Variants in TMEM132D observed in about 807,000 individuals in gnomAD.
TMEM132D encodes the protein mature OL transmembrane protein.
Under a neutral mutation model 62.3 loss-of-function variants are expected in TMEM132D, and 21 were observed. The ratio of observed to expected loss-of-function variants is 0.34; its 90% CI spans 0.24 to 0.49. TMEM132D has a LOEUF of 0.49. Ranked by LOEUF, TMEM132D falls within the 20% of genes least tolerant of loss-of-function variation. TMEM132D has a pLI of 0.99. For missense variants in TMEM132D, 1,346 were observed against 1,402.8 expected, an observed-to-expected ratio of 0.96 and a Z score of 0.65; for synonymous variants, 621 against 575.6, an observed-to-expected ratio of 1.08 and a Z score of -1.13.
chr12:129,216,152 A>G (rs10773613), intron 4 of TMEM132D, among the ~76,000 whole-genome samples: 87,513 of 152,056 alleles, frequency 0.58, 25,413 homozygotes, highest in East Asian at 0.71. Context: ...AATTCTCTTC[A>G]GCTATAACAT....
rs78602505 is a variant in TMEM132D at position 129,571,153 on chromosome 12, G to A, written c.969-39948C>T. Among the ~76,000 whole-genome samples, 190 of 152,272 alleles carry A rather than the reference G, an allele frequency of 1.2e-3. 1 individual carries two copies. The highest frequency in any genetic ancestry group is 4.2e-3 in the African/African-American group (174 of 41,558). On this transcript the variant is annotated intron_variant, in intron 2 of 8. Transcript: ENST00000422113. ...CCAAAGGGAAGTTGTCCTCTTTCCC[G>A]TCCCTGGATGGACACTGTTGAACAG...
intron 4 of TMEM132D, among the ~76,000 whole-genome samples, chr12:129,316,870 G>C (rs1868504918): frequency 6.6e-6 from 1 of 152,160 alleles, no homozygotes; most frequent in African/African-American, 2.4e-5. Flanking sequence ...ATGATTTCCT[G>C]TTGGACAAGG....
At chr12:129,238,776 C>G (rs1231948216) in intron 4 of TMEM132D, among the ~76,000 whole-genome samples, 1 of 152,196 alleles carries the variant, frequency 6.6e-6, no homozygotes, top group Non-Finnish European at 1.5e-5. Context: ...GTGAATAAAG[C>G]TGCTATGAAC....
chr12:129,246,518 G>T (rs1468039851), intron 4 of TMEM132D, among the ~76,000 whole-genome samples: 1 of 152,200 alleles, frequency 6.6e-6, no homozygotes, highest in Non-Finnish European at 1.5e-5. Flanking sequence ...CACTTTGGGA[G>T]GCCGAGGCAG....
chr12:129,448,686 C>T (rs887789564), intron 3 of TMEM132D, among the ~76,000 whole-genome samples: 38 of 152,166 alleles, frequency 2.5e-4, no homozygotes, highest in African/African-American at 8.2e-4. Flanking sequence ...TAGTGAAGTA[C>T]ATTTTAAAAA....
chr12:129,615,638 G>T (rs1453304934), intron 2 of TMEM132D, among the ~76,000 whole-genome samples: 1 of 150,766 alleles, frequency 6.6e-6, no homozygotes, highest in African/African-American at 2.4e-5. Context: ...TGGGTGTGGT[G>T]GTGTATGCCT....
At chr12:129,800,178 G>T (rs1163777982) in intron 1 of TMEM132D, among the ~76,000 whole-genome samples, 1 of 152,090 alleles carries the variant, frequency 6.6e-6, no homozygotes, top group Non-Finnish European at 1.5e-5. Flanking sequence ...TATTGGAATT[G>T]CCCCAGAAAG....
intron 2 of TMEM132D, among the ~76,000 whole-genome samples, chr12:129,593,357 A>G (rs551276908): frequency 6.6e-6 from 1 of 152,354 alleles, no homozygotes; most frequent in Admixed American, 6.5e-5. Flanking sequence ...ATGTGATTCC[A>G]GATATTTTAT....
intron 1 of TMEM132D, among the ~76,000 whole-genome samples, chr12:129,835,530 A>G (rs1432614914): frequency 2.6e-5 from 4 of 152,232 alleles, no homozygotes; most frequent in Admixed American, 6.5e-5. Context: ...ACCTCAAATG[A>G]TCCACCTGCC....
intron 3 of TMEM132D, among the ~76,000 whole-genome samples, chr12:129,422,938 C>A (rs1872373825): frequency 1.5e-5 from 2 of 130,402 alleles, no homozygotes; most frequent in Non-Finnish European, 1.6e-5. Context: ...CAGAATAAAA[C>A]CAAGGAAAAC....
chr12:129,254,653 ATC>A (rs1194424133), intron 4 of TMEM132D, among the ~76,000 whole-genome samples: 1 of 152,176 alleles, frequency 6.6e-6, no homozygotes, highest in African/African-American at 2.4e-5. Context: ...GGATTTGCTT[ATC>A]CTTAGAGGGG....
chr12:129,531,608 T>G (rs1385484317), intron 2 of TMEM132D, among the ~76,000 whole-genome samples: 1 of 152,158 alleles, frequency 6.6e-6, no homozygotes, highest in African/African-American at 2.4e-5. Flanking sequence ...GCACATTCAT[T>G]GAATGTCTCC....
intron 1 of TMEM132D, among the ~76,000 whole-genome samples, chr12:129,860,552 T>C (rs557872060): frequency 5.3e-5 from 8 of 152,254 alleles, no homozygotes; most frequent in South Asian, 2.1e-4. Flanking sequence ...TGTATATGTA[T>C]GCATAAATAT....
intron 3 of TMEM132D, among the ~76,000 whole-genome samples, chr12:129,469,596 C>G (rs2137046117): frequency 6.6e-6 from 1 of 152,332 alleles, no homozygotes; most frequent in African/African-American, 2.4e-5. Context: ...TGAGCCCCTG[C>G]TCTGTCTCAG....
intron 3 of TMEM132D, among the ~76,000 whole-genome samples, chr12:129,441,191 C>T (rs1026151778): frequency 6.6e-6 from 1 of 152,180 alleles, no homozygotes; most frequent in East Asian, 1.9e-4. Flanking sequence ...AACTTCCAAA[C>T]AACCTCTCAC....
intron 3 of TMEM132D, among the ~76,000 whole-genome samples, chr12:129,445,310 G>A (rs1873064573): frequency 2.0e-5 from 3 of 152,108 alleles, no homozygotes; most frequent in Admixed American, 2.0e-4. Flanking sequence ...GCCTATGGGA[G>A]GGTGGAGTGT....
rs540247231 is a variant in TMEM132D, at chr12:129,785,484, G to A, written c.80-84786C>T. On this transcript the variant is annotated intron_variant, in intron 1 of 8. Transcript: ENST00000422113. ...AGCGCACAGTACATGCTAAATCAAC[G>A]TTATTTCTTGACTCCAATCACCATC... Among the ~76,000 whole-genome samples, 7 of 152,322 alleles carry A rather than the reference G, an allele frequency of 4.6e-5. No individual in the cohort carries two copies. In the East Asian group the frequency reaches 7.7e-4, roughly 17 times the overall value.
Position 129,827,449 on chromosome 12 carries a change from G to A in TMEM132D, c.79+75812C>T, listed in dbSNP as rs1872692488. Among the ~76,000 whole-genome samples the A allele has an allele frequency of 6.6e-6, 1 of 152,118 alleles. No individual in the cohort carries two copies. The highest frequency in any genetic ancestry group is 2.4e-5 in the African/African-American group (1 of 41,426). On this transcript the variant is annotated intron_variant, in intron 1 of 8. Coordinates refer to ENST00000422113, the MANE Select transcript of TMEM132D (RefSeq NM_133448.3). The surrounding 1 kb of genome is among the most constrained non-coding windows in gnomAD (Gnocchi z 9.7). Reference sequence around the variant, plus strand: ...TCTCCCTTCCATGGTCCTCATATAAGCAAGGAGTAGAATTTGCAAAATACT... The same window carrying A: ...TCTCCCTTCCATGGTCCTCATATAAACAAGGAGTAGAATTTGCAAAATACT...
At position 129,519,677 on chromosome 12, in the gene TMEM132D, C is replaced by T. The variant is rs554998634; in HGVS notation, c.1115+11382G>A. On this transcript the variant is annotated intron_variant, in intron 3 of 8. Transcript: ENST00000422113. ...AGGCTGGAGTCCAGTGGTGCAATCT[C>T]GGCTCACTGCAACCTCCGCCTCCTG... 4.6e-5 allele frequency among the ~76,000 whole-genome samples: 7 copies of T among 151,158 alleles called. 1 individual carries two copies. The highest frequency in any genetic ancestry group is 2.0e-4 in the East Asian group (1 of 5,112).
Sources: allele counts gnomAD v4.1 joint callset (sites outside exome capture counted in the v4.1 genomes callset), GRCh38; gene constraint gnomAD v4.1.1; non-coding constraint Gnocchi (gnomAD v3.1); transcripts MANE v1.5; gene names NCBI Gene and HGNC (gene_info 2026-07-23, HGNC 2026-07-21).